CDH8: variants seen among roughly 807,000 people sequenced by gnomAD.
CDH8 encodes the protein cadherin-8.
A neutral mutation model predicts 68.1 loss-of-function variants in CDH8; 17 were observed. The ratio of observed to expected loss-of-function variants is 0.25; its 90% CI spans 0.17 to 0.37. The LOEUF (loss-of-function observed/expected upper bound fraction) is 0.37. Ranked by LOEUF, CDH8 falls within the 10% of genes least tolerant of loss-of-function variation. The pLI is 1.00. For missense variants in CDH8, 763 were observed against 999.3 expected, an observed-to-expected ratio of 0.76 and a Z score of 3.19; for synonymous variants, 372 against 365.1, an observed-to-expected ratio of 1.02 and a Z score of -0.21.
chr16:61,788,807 T>C (rs1049629987), intron 8 of CDH8, among the ~76,000 whole-genome samples: 8 of 152,044 alleles, frequency 5.3e-5, no homozygotes, highest in African/African-American at 1.9e-4. Context: ...GATATTGATA[T>C]AATTTTAAAC....
chr16:61,908,008 A>G (rs1297886373), intron 2 of CDH8, among the ~76,000 whole-genome samples: 1 of 144,266 alleles, frequency 6.9e-6, no homozygotes, highest in Non-Finnish European at 1.5e-5. Context: ...GCGCCACTGC[A>G]CTCCAGCCTG....
Position 61,652,576 on chromosome 16 carries a change from A to G in CDH8, c.*1032T>C. The G allele has an allele frequency of 1.9e-6, 2 of 1,062,566 alleles. No individual in the cohort carries two copies. The highest frequency in any genetic ancestry group is 4.6e-5 in the South Asian group (1 of 21,892). 65.8% of individuals were successfully genotyped at this position (1,062,566 alleles called of 1,614,324 possible). A position where few individuals can be genotyped will look rare whatever the true frequency, so the allele number is the denominator to read the frequency against. ...AGAGACTATTAGCTCTCCTTTCGAT[A>G]ATATTGCCTGCCATACTCATCTCAT... On this transcript the variant is annotated 3_prime_UTR_variant, in exon 12 of 12. Coordinates refer to ENST00000577390, the MANE Select transcript of CDH8 (RefSeq NM_001796.5).
chr16:61,737,301 T>C (rs1461956146), intron 8 of CDH8, among the ~76,000 whole-genome samples: 1 of 152,184 alleles, frequency 6.6e-6, no homozygotes, highest in African/African-American at 2.4e-5. Flanking sequence ...CAATAAATAA[T>C]TCTTGAGCTT....
chr16:61,840,768 CA>C (rs1038506745), intron 4 of CDH8, among the ~76,000 whole-genome samples: 2 of 151,906 alleles, frequency 1.3e-5, no homozygotes, highest in Non-Finnish European at 2.9e-5. Flanking sequence ...TGGGGTCTTT[CA>C]GGGGTCAGAG....
At chr16:61,881,623 T>C (rs773738912) in intron 3 of CDH8, among the ~76,000 whole-genome samples, 9 of 152,150 alleles carry the variant, frequency 5.9e-5, no homozygotes, top group African/African-American at 1.4e-4. Context: ...CTATGACACA[T>C]AGTGAATGCC....
chr16:61,871,314 A>G (rs1963357536), intron 3 of CDH8, among the ~76,000 whole-genome samples: 1 of 151,358 alleles, frequency 6.6e-6, no homozygotes, highest in African/African-American at 2.4e-5. Context: ...CCAAGTAGCT[A>G]GGATTACAGG....
intron 10 of CDH8, 49 bp from the exon 11 acceptor site, chr16:61,655,770 T>C (rs1963432907): frequency 6.5e-6 from 10 of 1,533,618 alleles, no homozygotes; most frequent in Admixed American, 1.7e-5. Flanking sequence ...AAAATGACTC[T>C]CCAAATAACA....
chr16:61,942,369 C>T (rs1486096995), intron 2 of CDH8, among the ~76,000 whole-genome samples: 2 of 152,106 alleles, frequency 1.3e-5, no homozygotes, highest in African/African-American at 4.8e-5. Flanking sequence ...TGGTGAGGTA[C>T]ACCTGTAGTC....
chr16:61,897,345 CAGGTTCA>C (rs773575800), intron 3 of CDH8, among the ~76,000 whole-genome samples: 31 of 152,044 alleles, frequency 2.0e-4, no homozygotes. Flanking sequence ...CTCCACCTCC[CAGGTTCA>C]AGTGAACCCC....
chr16:61,964,840 A>T lies in CDH8; in HGVS notation c.252+56312T>A, dbSNP rs201811539. On this transcript the variant is annotated intron_variant, in intron 2 of 11. Transcript: ENST00000577390. Reference sequence around the variant, plus strand: ...TTGTAGAGAATAGATTGATTTTTTTAAATGTGAATTTGATTATGTCTTTTT... The same window carrying T: ...TTGTAGAGAATAGATTGATTTTTTTTAATGTGAATTTGATTATGTCTTTTT... Among the ~76,000 whole-genome samples the T allele has an allele frequency of 5.1e-4, 77 of 152,214 alleles. 3 individuals carry two copies. The East Asian group carries it at 0.01, about 21-fold the overall frequency.
chr16:61,828,264 T>G (rs1392158192), intron 4 of CDH8, among the ~76,000 whole-genome samples: 1 of 151,900 alleles, frequency 6.6e-6, no homozygotes, highest in Non-Finnish European at 1.5e-5. Flanking sequence ...AGGGGAGGAA[T>G]GAATAATCCA....
At chr16:61,767,361 G>C (rs2142979632) in intron 8 of CDH8, among the ~76,000 whole-genome samples, 2 of 151,962 alleles carry the variant, frequency 1.3e-5, no homozygotes, top group South Asian at 4.1e-4. Flanking sequence ...AGAATTACTT[G>C]GCACCATCTT....
At chr16:61,860,986 C>A (rs1327502197) in intron 3 of CDH8, among the ~76,000 whole-genome samples, 2 of 152,090 alleles carry the variant, frequency 1.3e-5, no homozygotes, top group Admixed American at 6.6e-5. Context: ...CCTGTCTTAG[C>A]CTCAGATTTA....
At chr16:61,824,971 A>G (rs1426878238) in intron 5 of CDH8, 41 bp downstream of exon 5, 1 of 1,514,296 alleles carries the variant, frequency 6.6e-7, no homozygotes, top group South Asian at 1.2e-5. Flanking sequence ...AAATGGAAAC[A>G]TCATACCAAG....
At position 61,852,897 on chromosome 16, in the gene CDH8, T is replaced by C. The variant is rs142849614; in HGVS notation, c.667+4222A>G. On this transcript the variant is annotated intron_variant, in intron 4 of 11. Transcript: ENST00000577390. ...TCCTTCCTTCCTTCCTTCCTTCCAT[T>C]CTTCCTTCCTTCCTTCCTTCCTTCC... is the stretch of plus-strand genomic sequence containing the variant. Among the ~76,000 whole-genome samples the C allele has an allele frequency of 3.8e-3, 465 of 121,230 alleles. 4 individuals carry two copies. The highest frequency in any genetic ancestry group is 0.012 in the African/African-American group (330 of 27,966). 79.5% of individuals were successfully genotyped at this position (121,230 alleles called of 152,430 possible).
intron 2 of CDH8, among the ~76,000 whole-genome samples, chr16:62,017,443 A>T (rs1901968382): frequency 6.6e-6 from 1 of 152,150 alleles, no homozygotes; most frequent in Admixed American, 6.5e-5. Flanking sequence ...CATTTTGAGA[A>T]GCCAAGGCCA....
At chr16:61,762,239 G>A (rs987746771) in intron 8 of CDH8, among the ~76,000 whole-genome samples, 3 of 151,998 alleles carry the variant, frequency 2.0e-5, no homozygotes, top group Non-Finnish European at 2.9e-5. Flanking sequence ...AGGACAATTG[G>A]GGCTATCTGA....
intron 8 of CDH8, among the ~76,000 whole-genome samples, chr16:61,774,894 C>T (rs927493166): frequency 2.4e-4 from 36 of 152,220 alleles, no homozygotes; most frequent in Middle Eastern, 3.4e-3. Context: ...GGAACCAGAT[C>T]CAACCAGGGT....
At chr16:62,012,401 C>T (rs1901834838) in intron 2 of CDH8, among the ~76,000 whole-genome samples, 1 of 152,108 alleles carries the variant, frequency 6.6e-6, no homozygotes, top group African/African-American at 2.4e-5. Context: ...TTCTTTCTCT[C>T]TTCACGGTTT....
Sources: gnomAD v4.1 joint callset for allele counts (sites outside exome capture counted in the v4.1 genomes callset) on GRCh38, gnomAD v4.1.1 for gene constraint, MANE v1.5 for transcripts, NCBI Gene and HGNC (gene_info 2026-07-23, HGNC 2026-07-21) for gene names.